Variants in SLC9C1 observed in about 807,000 individuals in gnomAD.
SLC9C1 encodes solute carrier family 9 member C1.
SLC9C1 carries 97 observed loss-of-function variants against 140.9 expected under a neutral mutation model. The observed-to-expected ratio is 0.69, with a 90% confidence interval of 0.58 to 0.82. SLC9C1 has a LOEUF of 0.82. Ranked by LOEUF, SLC9C1 falls within the 40% of genes least tolerant of loss-of-function variation. SLC9C1 has a pLI of 0.00. For missense variants in SLC9C1, 1,340 were observed against 1,389.3 expected (o/e 0.96, Z 0.56); for synonymous variants, 440 against 442.6 (o/e 0.99, Z 0.07).
At chr3:112,213,819 G>A (rs2078277879) in intron 15 of SLC9C1, among the ~76,000 whole-genome samples, 1 of 152,084 alleles carries the variant, frequency 6.6e-6, no homozygotes, top group Admixed American at 6.6e-5. Context: ...AGTTAACAAG[G>A]ATATCCAGGA....
intron 10 of SLC9C1, among the ~76,000 whole-genome samples, chr3:112,248,723 C>T (rs2079363186): frequency 1.3e-5 from 2 of 151,906 alleles, no homozygotes; most frequent in South Asian, 2.1e-4. Context: ...ATATATTTGC[C>T]CTTATTTGAA....
At chr3:112,217,785 G>A (rs1053698562) in intron 14 of SLC9C1, among the ~76,000 whole-genome samples, 4 of 152,098 alleles carry the variant, frequency 2.6e-5, no homozygotes, top group African/African-American at 9.7e-5. Context: ...GAGATACATG[G>A]TTGAAAATAA....
chr3:112,192,419 A>G (rs889455133), intron 20 of SLC9C1, among the ~76,000 whole-genome samples: 63 of 152,212 alleles, frequency 4.1e-4, no homozygotes, highest in African/African-American at 1.5e-3. Context: ...ATATTGTAGT[A>G]TATATCAGGA....
At chr3:112,262,344 A>T (rs2079796164) in intron 10 of SLC9C1, among the ~76,000 whole-genome samples, 1 of 151,856 alleles carries the variant, frequency 6.6e-6, no homozygotes, top group African/African-American at 2.4e-5. Context: ...TTATCTTGCC[A>T]CTTCTCTTTT....
intron 23 of SLC9C1, among the ~76,000 whole-genome samples, chr3:112,172,151 G>A (rs990564958): frequency 8.6e-5 from 13 of 152,046 alleles, no homozygotes; most frequent in Admixed American, 2.6e-4. Flanking sequence ...TAAATCTATA[G>A]ATCAATTTTT....
chr3:112,154,976 G>A, intron 27 of SLC9C1, 21 bp downstream of exon 27: 3 of 1,605,382 alleles, frequency 1.9e-6, no homozygotes, highest in Non-Finnish European at 2.6e-6. Context: ...ACAACTTTTA[G>A]AAAGGCTGCT....
intron 13 of SLC9C1, among the ~76,000 whole-genome samples, chr3:112,228,763 G>A (rs2078745212): frequency 6.6e-6 from 1 of 151,894 alleles, no homozygotes; most frequent in African/African-American, 2.4e-5. Context: ...GACACAAACG[G>A]TCAACAAGCA....
intron 26 of SLC9C1, among the ~76,000 whole-genome samples, chr3:112,162,933 T>C (rs2075351247): frequency 7.3e-6 from 1 of 137,506 alleles, no homozygotes; most frequent in Non-Finnish European, 1.6e-5. Context: ...CTATTGATTA[T>C]TGCCACAATT....
chr3:112,208,045 A>C (rs1037132543), intron 16 of SLC9C1, 133 bp downstream of exon 16: 18 of 618,222 alleles, frequency 2.9e-5, no homozygotes, highest in Non-Finnish European at 1.3e-5. Flanking sequence ...TCAAAAATTA[A>C]AGTTTGGAGA....
At chr3:112,290,665 A>C (rs779153795) in intron 1 of SLC9C1, among the ~76,000 whole-genome samples, 3 of 152,178 alleles carry the variant, frequency 2.0e-5, no homozygotes, top group African/African-American at 7.2e-5. Flanking sequence ...GAAGTCTCCC[A>C]CTATTATTAT....
rs1195054838 is a variant in SLC9C1 at position 112,199,424 on chromosome 3, G to C, written c.2420C>G (p.Thr807Arg). ...GAGCATAACATTAATTTCTTCCTTT[G>C]TTTTCACAGTGACAGCAATTTCTGG... ...DHPEIAVTVK[T>R]KEEINVMLNM... is the part of the protein sequence containing the mutation. The change falls in exon 20 of 29, where the codon ACA becomes AGA. Residue 807 changes from threonine to arginine, a missense_variant. By Grantham distance (71) the Thr-to-Arg change is moderately conservative (BLOSUM62 -1). Transcript: ENST00000305815. 4 of 1,593,102 alleles carry C rather than the reference G, an allele frequency of 2.5e-6. No individual in the cohort carries two copies. The highest frequency in any genetic ancestry group is 1.4e-5 in the African/African-American group (1 of 74,006).
intron 10 of SLC9C1, 144 bp from the exon 11 acceptor site, chr3:112,244,220 A>G (rs2079216161): frequency 2.3e-6 from 1 of 434,740 alleles, no homozygotes; most frequent in Admixed American, 4.4e-5. Flanking sequence ...CAGGGGAGGA[A>G]TTAATCTAAG....
intron 13 of SLC9C1, among the ~76,000 whole-genome samples, chr3:112,227,150 C>A (rs75955847): frequency 0.051 from 7,710 of 152,052 alleles, 260 homozygotes; most frequent in South Asian, 0.093. Context: ...TCCGAATAGA[C>A]CAATGAAGAC....
At chr3:112,284,328 A>G (rs529365389) in intron 2 of SLC9C1, among the ~76,000 whole-genome samples, 5 of 152,354 alleles carry the variant, frequency 3.3e-5, no homozygotes, top group South Asian at 4.1e-4. Flanking sequence ...AATCCCAATC[A>G]GTTTGACTAG....
At chr3:112,239,776 C>A in intron 12 of SLC9C1, 64 bp downstream of exon 12, 1 of 1,338,868 alleles carries the variant, frequency 7.5e-7, no homozygotes, top group South Asian at 1.5e-5. Context: ...TATTTATGAT[C>A]TGATTTATAC....
chr3:112,154,950 C>T (rs762950840), intron 27 of SLC9C1, 47 bp downstream of exon 27: 9 of 1,546,632 alleles, frequency 5.8e-6, no homozygotes, highest in Non-Finnish European at 5.3e-6. Context: ...ATTCTAGACT[C>T]TCTTTTACCC....
chr3:112,274,656 G>A (rs1484092709), intron 6 of SLC9C1, among the ~76,000 whole-genome samples: 1 of 152,078 alleles, frequency 6.6e-6, no homozygotes, highest in African/African-American at 2.4e-5. Context: ...TTCAGCCCAG[G>A]CCTGTGAAAT....
chr3:112,213,179 C>T (rs998800387), intron 15 of SLC9C1, among the ~76,000 whole-genome samples: 54 of 152,158 alleles, frequency 3.5e-4, no homozygotes, highest in African/African-American at 9.2e-4. Flanking sequence ...CACCACCAGG[C>T]CTGCCCTACA....
chr3:112,152,747 C>T (rs550791677), intron 27 of SLC9C1, among the ~76,000 whole-genome samples: 20 of 152,100 alleles, frequency 1.3e-4, no homozygotes, highest in Non-Finnish European at 2.9e-4. Context: ...TGGAGAATGG[C>T]GATGACTTTT....
Sources: gnomAD v4.1 joint callset for allele counts (sites outside exome capture counted in the v4.1 genomes callset) on GRCh38, gnomAD v4.1.1 for gene constraint, MANE v1.5 for transcripts, NCBI Gene and HGNC (gene_info 2026-07-23, HGNC 2026-07-21) for gene names.